DYNC2I1: variants seen among roughly 807,000 people sequenced by gnomAD.
The protein encoded by DYNC2I1 is cytoplasmic dynein 2 intermediate chain 1.
Under a neutral mutation model 133.4 loss-of-function variants are expected in DYNC2I1, and 89 were observed. That is an observed-to-expected ratio of 0.67 (90% CI 0.56 to 0.80). The LOEUF is 0.80. Among genes scored for constraint, DYNC2I1 ranks in the 30% least tolerant of loss-of-function variants. The pLI, the probability that DYNC2I1 is intolerant of heterozygous loss-of-function variation, is 0.00. For missense variants in DYNC2I1, 1,291 were observed against 1,314.5 expected, an observed-to-expected ratio of 0.98 and a Z score of 0.28; for synonymous variants, 504 against 484.3, an observed-to-expected ratio of 1.04 and a Z score of -0.54.
intron 1 of DYNC2I1, among the ~76,000 whole-genome samples, chr7:158,864,590 G>T (rs570125831): frequency 1.7e-3 from 255 of 152,174 alleles, no homozygotes; most frequent in African/African-American, 5.9e-3. Flanking sequence ...GCTCACTGCA[G>T]CCTCGACCTC....
At chr7:158,851,915 G>A (rs1166539288), upstream of DYNC2I1, among the ~76,000 whole-genome samples, 1 of 152,160 alleles carries the variant, frequency 6.6e-6, no homozygotes, top group Non-Finnish European at 1.5e-5. Context: ...ATACTATTCT[G>A]ATTATCAAAT....
At chr7:158,918,695 C>A (rs953081981) in intron 14 of DYNC2I1, 45 bp from the exon 15 acceptor site, 1 of 1,594,676 alleles carries the variant, frequency 6.3e-7, no homozygotes, top group Non-Finnish European at 8.6e-7. Context: ...AAAAGATAAT[C>A]CATTGTGAAG....
chr7:158,922,989 T>C (rs569127818), intron 16 of DYNC2I1, among the ~76,000 whole-genome samples: 2 of 152,216 alleles, frequency 1.3e-5, no homozygotes, highest in Admixed American at 6.5e-5. Flanking sequence ...TTTCTTAGAC[T>C]GTGTTGAAGT....
At chr7:158,900,202 A>G (rs1226783195) in intron 8 of DYNC2I1, among the ~76,000 whole-genome samples, 3 of 150,920 alleles carry the variant, frequency 2.0e-5, no homozygotes, top group African/African-American at 2.4e-5. Context: ...GCTCGCTGCA[A>G]CCTCTGCCTC....
chr7:158,852,468 T>C (rs111976421), upstream of DYNC2I1, among the ~76,000 whole-genome samples: 3,675 of 151,170 alleles, frequency 0.024, 145 homozygotes, highest in African/African-American at 0.083. Flanking sequence ...CGGCTGGGCA[T>C]GGTGGCTCAC....
chr7:158,931,910 G>T lies in DYNC2I1; in HGVS notation c.2546+1395G>T, dbSNP rs150754189. Reference sequence around the variant, plus strand: ...CCCAGGAAGAAGGCTCTGCAGTGGAGTTCAGAGTGAGGATGTTTCTTAAGG... The same window carrying T: ...CCCAGGAAGAAGGCTCTGCAGTGGATTTCAGAGTGAGGATGTTTCTTAAGG... On this transcript the variant is annotated intron_variant, in intron 21 of 24. Coordinates refer to ENST00000407559, the MANE Select transcript of DYNC2I1 (RefSeq NM_018051.5). 5.0e-3 allele frequency among the ~76,000 whole-genome samples: 755 copies of T among 152,320 alleles called. 3 individuals carry two copies. The highest frequency in any genetic ancestry group is 0.018 in the African/African-American group (728 of 41,574).
chr7:158,939,615 C>T (rs1454374923), intron 23 of DYNC2I1, among the ~76,000 whole-genome samples: 1 of 152,092 alleles, frequency 6.6e-6, no homozygotes, highest in Non-Finnish European at 1.5e-5. Flanking sequence ...AGAATGTTCT[C>T]ACTTAGCCAT....
intron 1 of DYNC2I1, among the ~76,000 whole-genome samples, chr7:158,866,553 C>G (rs1842424143): frequency 6.6e-6 from 1 of 152,022 alleles, no homozygotes; most frequent in African/African-American, 2.4e-5. Flanking sequence ...TTTTTTATAG[C>G]AGGTCCTATA....
chr7:158,872,952 C>T (rs1421445590), intron 3 of DYNC2I1, among the ~76,000 whole-genome samples: 1 of 151,272 alleles, frequency 6.6e-6, no homozygotes, highest in African/African-American at 2.4e-5. Context: ...GATCACGCCA[C>T]TACACTCCAG....
In DYNC2I1 at chr7:158,871,574, C is replaced by A; in HGVS notation, c.490+12C>A. The A allele has an allele frequency of 6.6e-7, 1 of 1,517,848 alleles. No homozygotes were observed. Among genetic ancestry groups the A allele is most frequent in the Non-Finnish European group, 8.8e-7 (1 of 1,139,216 alleles). 94.0% of individuals were successfully genotyped at this position (1,517,848 alleles called of 1,614,324 possible). A position where few individuals can be genotyped will look rare whatever the true frequency, so the allele number is the denominator to read the frequency against. The stretch of plus-strand genomic sequence containing the variant: ...GAAAGGCCGCTCAGGTGGGTCCCCG[C>A]TTGCCTTCCTGTGGTTCCACCCGAG... On this transcript the variant is annotated intron_variant, in intron 3 of 24. Transcript: ENST00000407559.
intron 4 of DYNC2I1, 57 bp downstream of exon 4, chr7:158,876,748 T>G: frequency 2.0e-6 from 3 of 1,492,834 alleles, no homozygotes; most frequent in Non-Finnish European, 1.8e-6. Flanking sequence ...TAAAGGATGT[T>G]TTAAGCATTA....
Position 158,945,593 on chromosome 7 carries a change from GGCT to G in DYNC2I1, c.3018_3020del (p.Ala1007del). On this transcript the variant is annotated inframe_deletion, in exon 25 of 25. Coordinates refer to ENST00000407559, the MANE Select transcript of DYNC2I1 (RefSeq NM_018051.5). This position sits in a 1 kb window ranked among gnomAD's most constrained non-coding sequence, Gnocchi z 4.1. The stretch of plus-strand genomic sequence containing the variant: ...CCTCTCCCTGCAGGCTGGTGGCCAT[GGCT>G]GCGGTGGGTGAGCCTGAGAAGGCTG... The G allele has an allele frequency of 6.2e-7, 1 of 1,605,616 alleles. No homozygotes were observed. Among genetic ancestry groups the G allele is most frequent in the African/African-American group, 1.3e-5 (1 of 74,896 alleles).
intron 13 of DYNC2I1, 121 bp from the exon 14 acceptor site, chr7:158,914,112 T>G: frequency 4.1e-6 from 3 of 727,712 alleles, no homozygotes; most frequent in Non-Finnish European, 6.6e-6. Context: ...TGAAGTTTTC[T>G]GTCTTTTCCT....
intron 8 of DYNC2I1, among the ~76,000 whole-genome samples, chr7:158,895,037 G>A (rs943753428): frequency 3.2e-4 from 49 of 152,252 alleles, no homozygotes; most frequent in African/African-American, 1.1e-3. Flanking sequence ...AGAGTTCTCT[G>A]TGTGTTTTGG....
intron 13 of DYNC2I1, among the ~76,000 whole-genome samples, 195 bp from the exon 14 acceptor site, chr7:158,914,038 C>T (rs1037931457): frequency 1.3e-5 from 2 of 152,174 alleles, no homozygotes; most frequent in Non-Finnish European, 1.5e-5. Context: ...CATTTACAGA[C>T]TTCTATAAAA....
chr7:158,856,550 G>C (rs1841238871), upstream of DYNC2I1: 1 of 515,300 alleles, frequency 1.9e-6, no homozygotes. Context: ...GGGATGCGCA[G>C]GCGCACTGGG....
intron 23 of DYNC2I1, among the ~76,000 whole-genome samples, chr7:158,938,505 C>T (rs1239211905): frequency 5.9e-5 from 9 of 152,124 alleles, no homozygotes; most frequent in Non-Finnish European, 4.4e-5. Flanking sequence ...CGCCTGTAAT[C>T]GCAGCACTTT....
the DYNC2I1 span, among the ~76,000 whole-genome samples, chr7:158,839,752 G>A: frequency 1.3e-5 from 2 of 151,996 alleles, no homozygotes; most frequent in African/African-American, 2.4e-5. Context: ...CCCGGGAGGC[G>A]GAGCTTGCAG....
At chr7:158,886,882 C>G in intron 6 of DYNC2I1, 139 bp from the exon 7 acceptor site, 1 of 778,214 alleles carries the variant, frequency 1.3e-6, no homozygotes. Context: ...ATTACAGGTG[C>G]AAGTCATCGC....
Sources: allele counts gnomAD v4.1 joint callset (sites outside exome capture counted in the v4.1 genomes callset), GRCh38; gene constraint gnomAD v4.1.1; non-coding constraint Gnocchi (gnomAD v3.1); transcripts MANE v1.5; gene names NCBI Gene and HGNC (gene_info 2026-07-23, HGNC 2026-07-21).